The following PIP5K1A variants were observed in gnomAD, a reference collection of about 807,000 sequenced individuals.
The protein encoded by PIP5K1A is phosphatidylinositol 4-phosphate 5-kinase type-1 alpha.
In PIP5K1A, 46 loss-of-function variants were observed where a neutral mutation model predicts 72.9. The observed-to-expected ratio is 0.63, with a 90% CI of 0.50 to 0.81. The LOEUF (loss-of-function observed/expected upper bound fraction) is 0.81. Ranked by LOEUF, PIP5K1A falls within the 30% of genes least tolerant of loss-of-function variation. The probability of loss-of-function intolerance (pLI) is 0.00; values close to 1 mark genes in which losing one functional copy is unlikely to be tolerated. For missense variants in PIP5K1A, 458 were observed against 706.1 expected (o/e 0.65, Z 3.98); for synonymous variants, 228 against 255.1 (o/e 0.89, Z 1.01).
At chr1:151,242,618 C>G (rs753537872) in intron 14 of PIP5K1A, 51 bp downstream of exon 14, 1 of 1,463,906 alleles carries the variant, frequency 6.8e-7, no homozygotes. Flanking sequence ...CTTTTCAAGT[C>G]CTTGGAAACC....
chr1:151,215,702 C>A (rs897146786), intron 1 of PIP5K1A, among the ~76,000 whole-genome samples: 2 of 152,106 alleles, frequency 1.3e-5, no homozygotes, highest in African/African-American at 4.8e-5. Context: ...GAATTCACTC[C>A]AGAGTGAAAT....
intron 7 of PIP5K1A, among the ~76,000 whole-genome samples, chr1:151,233,949 A>G (rs962298181): frequency 6.6e-6 from 1 of 152,104 alleles, no homozygotes; most frequent in Non-Finnish European, 1.5e-5. Context: ...GAAGAAATAT[A>G]TCCATCTTAT....
chr1:151,230,072 A>G (rs1005601122), intron 4 of PIP5K1A, among the ~76,000 whole-genome samples: 1 of 152,184 alleles, frequency 6.6e-6, no homozygotes, highest in African/African-American at 2.4e-5. Flanking sequence ...TGGGCGACAG[A>G]GCGAGACTCC....
intron 1 of PIP5K1A, among the ~76,000 whole-genome samples, chr1:151,222,766 A>G (rs1293055616): frequency 6.6e-6 from 1 of 152,198 alleles, no homozygotes; most frequent in African/African-American, 2.4e-5. Flanking sequence ...CAGATTCCAT[A>G]GTTGCTAGTG....
chr1:151,247,963 G>A lies in PIP5K1A; in HGVS notation c.*98G>A. ...GCAATGCTGAATTTTCTTCTACTTG[G>A]TCATCAAAAAAGGAGTGTAATAGAA... is the stretch of plus-strand genomic sequence containing the variant. On this transcript the variant is annotated 3_prime_UTR_variant, in exon 16 of 16. Transcript: ENST00000368888. 1 of 1,099,752 alleles carries A rather than the reference G, an allele frequency of 9.1e-7. No homozygotes were observed. The allele number at this position is 1,099,752 out of a possible 1,614,324, so 68.1% of individuals were successfully genotyped here.
intron 1 of PIP5K1A, among the ~76,000 whole-genome samples, chr1:151,199,679 A>G (rs1435083512): frequency 6.6e-6 from 1 of 152,028 alleles, no homozygotes; most frequent in Non-Finnish European, 1.5e-5. Context: ...GAAACTAAGA[A>G]AGTAAATGGA....
At chr1:151,216,900 GT>G (rs78155966) in intron 1 of PIP5K1A, among the ~76,000 whole-genome samples, 241 of 136,504 alleles carry the variant, frequency 1.8e-3, no homozygotes, top group Middle Eastern at 7.6e-3. Context: ...CTTAGTAAAT[GT>G]TTTTTTTTTT....
intron 4 of PIP5K1A, among the ~76,000 whole-genome samples, chr1:151,228,675 C>G (rs1307819211): frequency 6.6e-6 from 1 of 152,086 alleles, no homozygotes; most frequent in Non-Finnish European, 1.5e-5. Context: ...GGACAGTGTT[C>G]AGTCTCCCAT....
chr1:151,246,732 A>G (rs1479262453), intron 14 of PIP5K1A, among the ~76,000 whole-genome samples, 188 bp from the exon 15 acceptor site: 1 of 152,224 alleles, frequency 6.6e-6, no homozygotes, highest in East Asian at 1.9e-4. Context: ...ATAGTATTCA[A>G]GAAGCTAAAT....
intron 11 of PIP5K1A, 112 bp downstream of exon 11, chr1:151,239,290 T>G (rs1691328383): frequency 3.1e-6 from 2 of 643,634 alleles, no homozygotes. Context: ...TTTTTTTTTT[T>G]GAGACAGGGT....
intron 1 of PIP5K1A, chr1:151,215,871 A>C (rs1384973373): frequency 5.0e-6 from 3 of 602,988 alleles, no homozygotes; most frequent in Non-Finnish European, 8.6e-6. Flanking sequence ...ATAATTTTAA[A>C]CTTTAGAGTT....
chr1:151,203,535 A>T (rs1015322201), intron 1 of PIP5K1A, among the ~76,000 whole-genome samples: 8 of 151,664 alleles, frequency 5.3e-5, no homozygotes, highest in Non-Finnish European at 1.0e-4. Flanking sequence ...ATCTCAAAAA[A>T]AAAAAAAAGG....
At position 151,239,523 on chromosome 1, in the gene PIP5K1A, T is replaced by C. The variant is rs192906114; in HGVS notation, c.1278+345T>C. Among the ~76,000 whole-genome samples the C allele has an allele frequency of 4.5e-3, 677 of 151,906 alleles. 6 individuals carry two copies. The highest frequency in any genetic ancestry group is 0.015 in the African/African-American group (642 of 41,434). On this transcript the variant is annotated intron_variant, in intron 11 of 15. Coordinates refer to ENST00000368888, the MANE Select transcript of PIP5K1A (RefSeq NM_001135638.2). ...CTGACCTCAAAGTGATCCGCCTACCTTGGCCTCCCAAAGTGCTGAGTTGAG... is the reference window on the plus strand; with the variant it reads ...CTGACCTCAAAGTGATCCGCCTACCCTGGCCTCCCAAAGTGCTGAGTTGAG...
Position 151,242,162 on chromosome 1 carries a change from C to G in PIP5K1A, c.1403C>G (p.Ser468Cys), listed in dbSNP as rs2101643732. 6.2e-7 allele frequency: 1 copy of G among 1,614,168 alleles called. No homozygotes were observed. The highest frequency in any genetic ancestry group is 8.5e-7 in the Non-Finnish European group (1 of 1,180,026). ...SPSKKFRSGS[S>C]FSRRAGSSGN... ...TCCAAAAAGTTTCGGTCTGGCTCAT[C>G]TTTCTCTCGGCGAGCAGGCTCCAGT... is the stretch of plus-strand genomic sequence containing the variant. The change falls in exon 13 of 16, where the codon TCT (serine) becomes TGT (cysteine). Residue 468 changes from serine to cysteine, a missense_variant. Around this residue, in one of 3 missense-constraint regions of PIP5K1A, gnomAD observed 157 missense variants for 175.5 expected, o/e 0.89. Coordinates refer to ENST00000368888, the MANE Select transcript of PIP5K1A (RefSeq NM_001135638.2).
At position 151,203,299 on chromosome 1, in the gene PIP5K1A, C is replaced by T. The variant is rs375840236; in HGVS notation, c.85+4218C>T. On this transcript the variant is annotated intron_variant, in intron 1 of 15. Coordinates refer to ENST00000368888, the MANE Select transcript of PIP5K1A (RefSeq NM_001135638.2). ...TTCTCAGCACTTTGGGAGGCCAAGG[C>T]AGGCGGATCACCTGAGGTCAGGAGT... 1.3e-3 allele frequency among the ~76,000 whole-genome samples: 191 copies of T among 151,646 alleles called. 1 individual carries two copies. The highest frequency in any genetic ancestry group is 4.5e-3 in the African/African-American group (185 of 41,408).
chr1:151,238,692 T>C (rs1211627837), intron 10 of PIP5K1A: 1 of 234,330 alleles, frequency 4.3e-6, no homozygotes, highest in Non-Finnish European at 8.4e-6. Context: ...GGCAATGGAG[T>C]GATCATCAGG....
At chr1:151,205,288 G>T (rs1215703094) in intron 1 of PIP5K1A, among the ~76,000 whole-genome samples, 4 of 152,122 alleles carry the variant, frequency 2.6e-5, no homozygotes, top group African/African-American at 9.7e-5. Context: ...CGATTCTCCT[G>T]CCTCAGCCTC....
intron 1 of PIP5K1A, among the ~76,000 whole-genome samples, chr1:151,219,850 C>CGTTTTTTTTT (rs1257084814): frequency 2.0e-5 from 2 of 97,832 alleles, no homozygotes; most frequent in African/African-American, 7.5e-5. Flanking sequence ...CATATTCTTT[C>CGTTTTTTTTT]CTTTTTTTTT....
chr1:151,231,170 G>C (rs1690002044), intron 4 of PIP5K1A, among the ~76,000 whole-genome samples: 1 of 142,326 alleles, frequency 7.0e-6, no homozygotes, highest in Non-Finnish European at 1.5e-5. Flanking sequence ...TCATGCTGCT[G>C]TACTCCATTC....
Sources: gnomAD v4.1 joint callset for allele counts (sites outside exome capture counted in the v4.1 genomes callset) on GRCh38, gnomAD v4.1.1 for gene constraint, gnomAD v4.1.1 regional missense constraint, MANE v1.5 for transcripts, NCBI Gene and HGNC (gene_info 2026-07-23, HGNC 2026-07-21) for gene names.